RASEF: variants seen among roughly 807,000 people sequenced by gnomAD.
RASEF encodes ras and EF-hand domain-containing protein.
RASEF carries 68 observed loss-of-function variants against 90.1 expected under a neutral mutation model. The ratio of observed to expected loss-of-function variants is 0.75; its 90% CI spans 0.62 to 0.92. The LOEUF is 0.92. Among genes scored for constraint, RASEF ranks in the 40% least tolerant of loss-of-function variants. RASEF has a pLI of 0.00. For synonymous variants in RASEF, 331 were observed against 345.2 expected, an observed-to-expected ratio of 0.96 and a Z score of 0.46; for missense variants, 949 against 937.2, an observed-to-expected ratio of 1.01 and a Z score of -0.16.
chr9:83,147,095 A>G, the RASEF span, among the ~76,000 whole-genome samples: 26 of 150,450 alleles, frequency 1.7e-4, no homozygotes, highest in Non-Finnish European at 3.5e-4. Flanking sequence ...TGGAGAAAAT[A>G]TTGGTAAACC....
rs1277590991 is a variant in RASEF, at chr9:83,048,391, C to T, written c.431+14046G>A. 23 of 985,204 alleles carry T rather than the reference C, an allele frequency of 2.3e-5. No individual in the cohort carries two copies. In the Admixed American group the frequency reaches 4.9e-4, roughly 21 times the overall value. 61.0% of individuals were successfully genotyped at this position (985,204 alleles called of 1,614,324 possible). A position where few individuals can be genotyped will look rare whatever the true frequency, so the allele number is the denominator to read the frequency against. ...AGATCTGGACCCAGGCCATCTACCT[C>T]GTGATTCTTGCTACTTTATATCCTC... On this transcript the variant is annotated intron_variant, in intron 1 of 16. Coordinates refer to ENST00000376447, the MANE Select transcript of RASEF (RefSeq NM_152573.4).
chr9:83,217,468 C>A, the RASEF span, among the ~76,000 whole-genome samples: 1 of 152,136 alleles, frequency 6.6e-6, no homozygotes, highest in Admixed American at 6.5e-5. Context: ...ATAATCCCCA[C>A]GTCATGGGAG....
rs555842009 is a variant in RASEF at position 83,058,172 on chromosome 9, C to CTTTTTTTTT, written c.431+4256_431+4264dup. On this transcript the variant is annotated intron_variant, in intron 1 of 16. Transcript: ENST00000376447. ...CGGCTCACTCCTGATGTATTTATGT[C>CTTTTTTTTT]TTTTTTTTTTTTTTTTTTTTTTTTT... 1.4e-4 allele frequency among the ~76,000 whole-genome samples: 8 copies of CTTTTTTTTT among 57,898 alleles called. 1 individual carries two copies. Among genetic ancestry groups the CTTTTTTTTT allele is most frequent in the Non-Finnish European group, 2.6e-4 (8 of 30,458 alleles). The allele number at this position is 57,898 out of a possible 152,430, so 38.0% of individuals were successfully genotyped here.
At position 83,033,145 on chromosome 9, in the gene RASEF, C is replaced by T. The variant is rs1829675810; in HGVS notation, c.432-7224G>A. ...AAACGAAAGCACACAGTAATAAATG[C>T]CAATGTCTTCATCATTCTATACTAA... is the stretch of plus-strand genomic sequence containing the variant. On this transcript the variant is annotated intron_variant, in intron 1 of 16. Transcript: ENST00000376447. Among the ~76,000 whole-genome samples, 2 of 152,134 alleles carry T rather than the reference C, an allele frequency of 1.3e-5. 1 individual carries two copies. The highest frequency in any genetic ancestry group is 4.1e-4 in the South Asian group (2 of 4,828).
At chr9:83,121,662 T>C in the RASEF span, among the ~76,000 whole-genome samples, 1 of 152,218 alleles carries the variant, frequency 6.6e-6, no homozygotes, top group Non-Finnish European at 1.5e-5. Flanking sequence ...AACACTCTGA[T>C]CCCTGCTCTG....
the RASEF span, among the ~76,000 whole-genome samples, chr9:83,099,295 T>C: frequency 3.9e-5 from 6 of 152,226 alleles, no homozygotes; most frequent in Admixed American, 2.0e-4. Flanking sequence ...AAAGTTAGCA[T>C]GTTTTTCTTC....
chr9:83,135,885 C>T, the RASEF span, among the ~76,000 whole-genome samples: 639 of 152,204 alleles, frequency 4.2e-3, 5 homozygotes, highest in African/African-American at 0.014. Flanking sequence ...CCTTCCCATT[C>T]TCTTGTAAAT....
intron 1 of RASEF, among the ~76,000 whole-genome samples, chr9:83,029,771 G>A (rs1471325472): frequency 6.6e-6 from 1 of 152,022 alleles, no homozygotes; most frequent in African/African-American, 2.4e-5. Flanking sequence ...TGATTCAAAA[G>A]AATTGCTCAA....
At chr9:83,028,444 G>T (rs538298787) in intron 1 of RASEF, among the ~76,000 whole-genome samples, 1 of 152,324 alleles carries the variant, frequency 6.6e-6, no homozygotes, top group Admixed American at 6.5e-5. Flanking sequence ...AACAGCCACA[G>T]AAGACCACTC....
intron 1 of RASEF, among the ~76,000 whole-genome samples, chr9:83,042,683 A>G (rs985739914): frequency 1.3e-5 from 2 of 151,954 alleles, no homozygotes; most frequent in Admixed American, 6.5e-5. Context: ...CACTCCAGCT[A>G]TCTGAAACTC....
chr9:83,207,570 C>T, the RASEF span, among the ~76,000 whole-genome samples: 3 of 149,630 alleles, frequency 2.0e-5, no homozygotes, highest in Admixed American at 2.0e-4. Context: ...CTAGATCAAA[C>T]TGCCTCAGAG....
chr9:83,040,025 TAA>T (rs1564085829), intron 1 of RASEF, among the ~76,000 whole-genome samples: 1 of 152,134 alleles, frequency 6.6e-6, no homozygotes, highest in East Asian at 1.9e-4. Flanking sequence ...TGATAGTGAA[TAA>T]GTCTCATGAG....
the RASEF span, among the ~76,000 whole-genome samples, chr9:83,185,135 C>T: frequency 6.6e-6 from 1 of 151,892 alleles, no homozygotes; most frequent in Admixed American, 6.6e-5. Context: ...TTATAAGGGT[C>T]TGTAGATAGC....
At chr9:83,005,306 T>A in intron 8 of RASEF, 110 bp downstream of exon 8, 1 of 740,728 alleles carries the variant, frequency 1.4e-6, no homozygotes. Context: ...TTCTCATTAT[T>A]ATAAGGACTT....
the RASEF span, among the ~76,000 whole-genome samples, chr9:83,113,437 A>T: frequency 6.6e-6 from 1 of 152,210 alleles, no homozygotes; most frequent in African/African-American, 2.4e-5. Flanking sequence ...AAAAGAACAG[A>T]ATAACAGTGA....
At chr9:83,204,747 T>A in the RASEF span, among the ~76,000 whole-genome samples, 2 of 152,210 alleles carry the variant, frequency 1.3e-5, no homozygotes, top group Non-Finnish European at 2.9e-5. Flanking sequence ...GATTTGATGA[T>A]GCTGATACTG....
At chr9:83,208,239 A>C in the RASEF span, among the ~76,000 whole-genome samples, 1 of 152,114 alleles carries the variant, frequency 6.6e-6, no homozygotes, top group Non-Finnish European at 1.5e-5. Flanking sequence ...ATCCTCTCCC[A>C]GGGGCGTGTC....
intron 1 of RASEF, among the ~76,000 whole-genome samples, chr9:83,056,980 G>T (rs1036301744): frequency 3.3e-5 from 5 of 152,264 alleles, no homozygotes; most frequent in Admixed American, 1.3e-4. Context: ...AAGCCAAAAA[G>T]AAATTACTAC....
In RASEF at chr9:82,992,825, T is replaced by G. The variant is rs1256114079; in HGVS notation, c.2040+81A>C. ...TGTCAAAGGACCTCTCAAGCAAAGG[T>G]AGACAAAAGTGAAAGGCCACCGACT... On this transcript the variant is annotated intron_variant, in intron 15 of 16. Transcript: ENST00000376447. The G allele has an allele frequency of 2.7e-6, 4 of 1,464,580 alleles. No homozygotes were observed. The East Asian group carries it at 9.1e-5, about 33-fold the overall frequency. The allele number at this position is 1,464,580 out of a possible 1,614,324, so 90.7% of individuals were successfully genotyped here.
Sources: gnomAD v4.1 joint callset for allele counts (sites outside exome capture counted in the v4.1 genomes callset) on GRCh38, gnomAD v4.1.1 for gene constraint, MANE v1.5 for transcripts, NCBI Gene and HGNC (gene_info 2026-07-23, HGNC 2026-07-21) for gene names.